Variants in GRM8 observed in about 807,000 individuals in gnomAD.
GRM8 encodes glutamate metabotropic receptor 8, also known as metabotropic glutamate receptor 8.
GRM8 carries 47 observed loss-of-function variants against 87.2 expected under a neutral mutation model. That is an observed-to-expected ratio of 0.54 (90% CI 0.43 to 0.69). The LOEUF is 0.69. Among genes scored for constraint, GRM8 ranks in the 30% least tolerant of loss-of-function variants. GRM8 has a pLI of 0.00. For synonymous variants in GRM8, 396 were observed against 404.5 expected (o/e 0.98, Z 0.25); for missense variants, 1,019 against 1,139.2 (o/e 0.89, Z 1.52).
At chr7:126,861,870 G>T (rs1798166464) in intron 6 of GRM8, among the ~76,000 whole-genome samples, 1 of 151,812 alleles carries the variant, frequency 6.6e-6, no homozygotes, top group African/African-American at 2.4e-5. Context: ...TTTTTGATCT[G>T]TAACTGGCCT....
intron 6 of GRM8, among the ~76,000 whole-genome samples, chr7:126,882,230 G>A (rs746718941): frequency 6.6e-6 from 1 of 151,984 alleles, no homozygotes; most frequent in African/African-American, 2.4e-5. Flanking sequence ...CTGTCAGTTT[G>A]CATCTAGCTT....
chr7:126,879,256 A>G (rs1799819357), intron 6 of GRM8, among the ~76,000 whole-genome samples: 1 of 151,950 alleles, frequency 6.6e-6, no homozygotes, highest in South Asian at 2.1e-4. Context: ...GGAAGAGGCA[A>G]TTTATTCAAG....
At position 126,959,054 on chromosome 7, in the gene GRM8, T is replaced by A. The variant is rs1809040589; in HGVS notation, c.728-54371A>T. Among the ~76,000 whole-genome samples, 3 of 152,258 alleles carry A rather than the reference T, an allele frequency of 2.0e-5. No homozygotes were observed. The South Asian group carries it at 6.2e-4, about 32-fold the overall frequency. On this transcript the variant is annotated intron_variant, in intron 3 of 10. Coordinates refer to ENST00000339582, the MANE Select transcript of GRM8 (RefSeq NM_000845.3). ...ACCTGGGTAGAAGGAAGGAGAAATC[T>A]GGAAGATAAAAGGAGATGAGGCCAA...
chr7:127,030,857 G>A (rs374224213), intron 3 of GRM8, among the ~76,000 whole-genome samples: 6 of 152,080 alleles, frequency 3.9e-5, no homozygotes, highest in East Asian at 1.9e-4. Flanking sequence ...GGATGTCCCC[G>A]ACTCCTCTTT....
intron 6 of GRM8, among the ~76,000 whole-genome samples, chr7:126,802,867 A>G (rs1822880112): frequency 1.3e-5 from 2 of 152,194 alleles, no homozygotes; most frequent in Non-Finnish European, 2.9e-5. Context: ...TATCATGGAG[A>G]CAATGACCAC....
chr7:126,787,052 C>G (rs1415012806), intron 6 of GRM8, among the ~76,000 whole-genome samples: 1 of 152,200 alleles, frequency 6.6e-6, no homozygotes, highest in Non-Finnish European at 1.5e-5. Flanking sequence ...GTGCTTCTTG[C>G]TTTTGCAGTT....
At chr7:127,237,639 C>T (rs1351649757) in intron 2 of GRM8, among the ~76,000 whole-genome samples, 4 of 152,178 alleles carry the variant, frequency 2.6e-5, no homozygotes, top group South Asian at 2.1e-4. Context: ...TTATCTAGCC[C>T]ACCCACAAAT....
intron 2 of GRM8, among the ~76,000 whole-genome samples, chr7:127,154,540 G>A (rs1258512150): frequency 6.6e-6 from 1 of 151,986 alleles, no homozygotes; most frequent in Non-Finnish European, 1.5e-5. Context: ...CTGTGTCCCT[G>A]AACGTGGCTT....
At chr7:126,470,261 A>G (rs1805012127) in intron 9 of GRM8, among the ~76,000 whole-genome samples, 1 of 151,810 alleles carries the variant, frequency 6.6e-6, no homozygotes, top group Non-Finnish European at 1.5e-5. Context: ...ACATACGTAT[A>G]CATGTGCCAT....
intron 2 of GRM8, among the ~76,000 whole-genome samples, chr7:127,193,927 A>G (rs1455260134): frequency 2.0e-5 from 3 of 152,180 alleles, no homozygotes; most frequent in African/African-American, 4.8e-5. Context: ...GCATTCAATC[A>G]CTGTCATTAC....
intron 2 of GRM8, among the ~76,000 whole-genome samples, chr7:127,197,435 C>G (rs1217869526): frequency 6.6e-6 from 1 of 152,122 alleles, no homozygotes; most frequent in East Asian, 1.9e-4. Context: ...TATGCACATC[C>G]TAGCAAGAGG....
intron 3 of GRM8, among the ~76,000 whole-genome samples, chr7:126,934,506 C>T (rs73723529): frequency 0.026 from 4,012 of 152,034 alleles, 169 homozygotes; most frequent in African/African-American, 0.09. Flanking sequence ...ATATTAAAGT[C>T]AAAAAACATT....
At chr7:126,948,601 G>T (rs975643725) in intron 3 of GRM8, among the ~76,000 whole-genome samples, 1 of 152,004 alleles carries the variant, frequency 6.6e-6, no homozygotes, top group African/African-American at 2.4e-5. Context: ...TGTCCCTAAA[G>T]AAGAGAAGAT....
chr7:126,494,176 G>T (rs1443857721), intron 9 of GRM8, among the ~76,000 whole-genome samples: 1 of 151,972 alleles, frequency 6.6e-6, no homozygotes, highest in Non-Finnish European at 1.5e-5. Context: ...TGTGCAATTG[G>T]TTTAGAGTCT....
intron 9 of GRM8, among the ~76,000 whole-genome samples, chr7:126,528,656 A>T (rs1814312432): frequency 7.6e-6 from 1 of 131,030 alleles, no homozygotes. Context: ...GTTTGTATTT[A>T]TTTTAAATAA....
chr7:126,833,722 A>C lies in GRM8; in HGVS notation c.1157-63657T>G, dbSNP rs140953309. 4.2e-3 allele frequency among the ~76,000 whole-genome samples: 644 copies of C among 152,246 alleles called. 6 individuals carry two copies. The highest frequency in any genetic ancestry group is 7.6e-3 in the Non-Finnish European group (520 of 68,014). On this transcript the variant is annotated intron_variant, in intron 6 of 10. Coordinates refer to ENST00000339582, the MANE Select transcript of GRM8 (RefSeq NM_000845.3). ...AGACCTTGCCTGCTAATCCTATCAC[A>C]TTGAGGATTATGGCTTCAACAAACA... is the stretch of plus-strand genomic sequence containing the variant.
chr7:127,176,081 C>A (rs1794087195), intron 2 of GRM8, among the ~76,000 whole-genome samples: 1 of 151,998 alleles, frequency 6.6e-6, no homozygotes, highest in African/African-American at 2.4e-5. Flanking sequence ...TGAGTAAGAA[C>A]CTGAAGTGCA....
At chr7:127,019,666 A>G (rs955533765) in intron 3 of GRM8, among the ~76,000 whole-genome samples, 4 of 152,126 alleles carry the variant, frequency 2.6e-5, no homozygotes, top group South Asian at 2.1e-4. Context: ...GGCACACTCT[A>G]TAACATTGTC....
chr7:126,645,200 G>A (rs1585346952), intron 7 of GRM8, among the ~76,000 whole-genome samples: 2 of 152,236 alleles, frequency 1.3e-5, no homozygotes, highest in East Asian at 3.8e-4. Context: ...ACTCTTCTGA[G>A]ATGTAGGCAT....
Sources: allele counts gnomAD v4.1 joint callset (sites outside exome capture counted in the v4.1 genomes callset), GRCh38; gene constraint gnomAD v4.1.1; transcripts MANE v1.5; gene names NCBI Gene and HGNC (gene_info 2026-07-23, HGNC 2026-07-21).